MAP2: variants seen among roughly 807,000 people sequenced by gnomAD.
MAP2 encodes microtubule-associated protein 2.
A neutral mutation model predicts 137.6 loss-of-function variants in MAP2; 14 were observed. The observed-to-expected ratio is 0.10, with a 90% CI of 0.07 to 0.16. The LOEUF (loss-of-function observed/expected upper bound fraction) is 0.16. MAP2 is among the 10% of genes least tolerant of loss of function. MAP2 has a pLI of 1.00. For synonymous variants in MAP2, 786 were observed against 782.3 expected (o/e 1.00, Z -0.08); for missense variants, 2,088 against 2,191.5 (o/e 0.95, Z 0.94).
At chr2:209,547,291 A>G (rs2153275993) in intron 2 of MAP2, among the ~76,000 whole-genome samples, 1 of 151,690 alleles carries the variant, frequency 6.6e-6, no homozygotes, top group Middle Eastern at 3.4e-3. Flanking sequence ...TACCCCCCAC[A>G]AAAAGAAGAC....
chr2:209,584,860 G>T (rs1042134632), intron 3 of MAP2, among the ~76,000 whole-genome samples: 8 of 152,140 alleles, frequency 5.3e-5, no homozygotes, highest in African/African-American at 1.9e-4. Flanking sequence ...ACTCAAAGGT[G>T]ACTCTGAAAT....
intron 4 of MAP2, among the ~76,000 whole-genome samples, chr2:209,647,722 G>A (rs1315193729): frequency 6.6e-6 from 1 of 152,064 alleles, no homozygotes; most frequent in African/African-American, 2.4e-5. Context: ...GTGATCAGTG[G>A]TCAGAGGTTG....
chr2:209,662,000 C>G (rs2043860362), intron 5 of MAP2, among the ~76,000 whole-genome samples: 2 of 152,164 alleles, frequency 1.3e-5, no homozygotes, highest in African/African-American at 4.8e-5. Flanking sequence ...TGTCTTTGCT[C>G]TGTAGTCCAG....
intron 1 of MAP2, among the ~76,000 whole-genome samples, chr2:209,488,230 G>A (rs554251695): frequency 5.3e-5 from 8 of 152,316 alleles, no homozygotes; most frequent in South Asian, 4.1e-4. Context: ...GGACTGTGCC[G>A]TGAGAGACGG....
At chr2:209,680,702 TA>T in intron 6 of MAP2, 47 bp from the exon 7 acceptor site, 1 of 1,508,790 alleles carries the variant, frequency 6.6e-7, no homozygotes, top group Non-Finnish European at 9.2e-7. Context: ...TCTACCAGCC[TA>T]AAAGGATTAA....
chr2:209,509,832 A>G (rs1488657570), intron 2 of MAP2, among the ~76,000 whole-genome samples: 2 of 151,920 alleles, frequency 1.3e-5, no homozygotes, highest in African/African-American at 4.8e-5. Context: ...TGCCATTGCA[A>G]TATTTTATCA....
At chr2:209,655,675 T>C (rs139560951) in intron 5 of MAP2, among the ~76,000 whole-genome samples, 1 of 152,324 alleles carries the variant, frequency 6.6e-6, no homozygotes, top group African/African-American at 2.4e-5. Flanking sequence ...ATGGAGACTA[T>C]AGATATGAGC....
At position 209,534,169 on chromosome 2, in the gene MAP2, A is replaced by G. The variant is rs189900023; in HGVS notation, c.-172+26528A>G. Among the ~76,000 whole-genome samples the G allele has an allele frequency of 1.2e-4, 18 of 152,360 alleles. No homozygotes were observed. In the East Asian group the frequency reaches 1.9e-3, roughly 16 times the overall value. ...ATGTGAGACCTTTTGTTAGTTTGCCATTAATAACAGCCAACATTTCTTGAG... is the reference window on the plus strand; with the variant it reads ...ATGTGAGACCTTTTGTTAGTTTGCCGTTAATAACAGCCAACATTTCTTGAG... On this transcript the variant is annotated intron_variant, in intron 2 of 15. Coordinates refer to ENST00000682079, the MANE Select transcript of MAP2 (RefSeq NM_001375505.1).
At chr2:209,607,954 T>G (rs939838834) in intron 3 of MAP2, among the ~76,000 whole-genome samples, 1 of 152,246 alleles carries the variant, frequency 6.6e-6, no homozygotes, top group African/African-American at 2.4e-5. Context: ...TGTCACACTC[T>G]TTTCTTAGCA....
intron 7 of MAP2, among the ~76,000 whole-genome samples, chr2:209,692,372 A>C (rs1458167186): frequency 6.6e-6 from 1 of 151,696 alleles, no homozygotes; most frequent in Admixed American, 6.6e-5. Context: ...AAGAGAAAAG[A>C]ATATCCAGAA....
chr2:209,500,016 T>A (rs11687844), intron 1 of MAP2, among the ~76,000 whole-genome samples: 80,650 of 151,900 alleles, frequency 0.53, 22,478 homozygotes, highest in Middle Eastern at 0.63. Flanking sequence ...CACATATCCA[T>A]GCAATAGTTG....
intron 1 of MAP2, among the ~76,000 whole-genome samples, chr2:209,441,287 C>T (rs1455079386): frequency 6.6e-6 from 1 of 151,216 alleles, no homozygotes; most frequent in African/African-American, 2.4e-5. Context: ...TGTTTTTCTT[C>T]ACTAATGTAC....
At chr2:209,680,899 C>G in intron 7 of MAP2, 72 bp downstream of exon 7, 1 of 1,322,466 alleles carries the variant, frequency 7.6e-7, no homozygotes, top group East Asian at 2.3e-5. Flanking sequence ...TCAATAAGCT[C>G]TGGACTTTGG....
At chr2:209,727,195 G>C (rs2074372237) in intron 14 of MAP2, among the ~76,000 whole-genome samples, 1 of 152,184 alleles carries the variant, frequency 6.6e-6, no homozygotes, top group African/African-American at 2.4e-5. Flanking sequence ...CATGGAATTA[G>C]CTTCTCTACT....
At chr2:209,605,479 G>A (rs1038849668) in intron 3 of MAP2, among the ~76,000 whole-genome samples, 1 of 152,088 alleles carries the variant, frequency 6.6e-6, no homozygotes, top group Non-Finnish European at 1.5e-5. Flanking sequence ...ACTATGAATA[G>A]AAATGCTTGT....
intron 14 of MAP2, among the ~76,000 whole-genome samples, chr2:209,729,615 A>G (rs2075346246): frequency 1.3e-5 from 2 of 152,236 alleles, no homozygotes; most frequent in South Asian, 4.1e-4. Context: ...GGAGAAAGGT[A>G]TTAATACGTG....
rs762018785 is a variant in MAP2, at chr2:209,730,338, C to T, written c.5425C>T (p.Pro1809Ser). Reference sequence around the variant, plus strand: ...TGGAAGCATCAACCTGCTCGAATCTCCTCAGCTTGCCACTTTGGCTGAGGA... The same window carrying T: ...TGGAAGCATCAACCTGCTCGAATCTTCTCAGCTTGCCACTTTGGCTGAGGA... ...SSGSINLLES[P>S]QLATLAEDVT... Residue 1809 changes from proline (P) to serine (S), a missense_variant, in exon 16 of 16, where the codon CCT becomes TCT. Coordinates refer to ENST00000682079, the MANE Select transcript of MAP2 (RefSeq NM_001375505.1). 1 of 1,614,144 alleles carries T rather than the reference C, an allele frequency of 6.2e-7. No homozygotes were observed. The highest frequency in any genetic ancestry group is 1.1e-5 in the South Asian group (1 of 91,076).
intron 2 of MAP2, among the ~76,000 whole-genome samples, chr2:209,563,134 A>G (rs1373282888): frequency 6.6e-6 from 1 of 152,224 alleles, no homozygotes; most frequent in Non-Finnish European, 1.5e-5. Flanking sequence ...GATTATATAC[A>G]GAATATAAGA....
In MAP2 at chr2:209,695,347, G is replaced by T. The variant is rs202114371; in HGVS notation, c.3177G>T (p.Gly1059=). The part of the protein sequence containing the change: ...KISDFGQMAS[G]LNIDDRRATE... ...GTGACTTTGGACAGATGGCTTCAGG[G>T]CTAAACATAGATGATAGAAGGGCAA... is the stretch of plus-strand genomic sequence containing the variant. Residue 1059 remains glycine, a synonymous_variant, in exon 8 of 16, where the codon GGG becomes GGT. Transcript: ENST00000682079. 6.2e-7 allele frequency: 1 copy of T among 1,613,936 alleles called. No individual in the cohort carries two copies. The highest frequency in any genetic ancestry group is 8.5e-7 in the Non-Finnish European group (1 of 1,179,962).
Sources: allele counts gnomAD v4.1 joint callset (sites outside exome capture counted in the v4.1 genomes callset), GRCh38; gene constraint gnomAD v4.1.1; transcripts MANE v1.5; gene names NCBI Gene and HGNC (gene_info 2026-07-23, HGNC 2026-07-21).